The following ZHX2 variants were observed in gnomAD, a reference collection of about 807,000 sequenced individuals.
The protein encoded by ZHX2 is zinc fingers and homeoboxes protein 2.
ZHX2 carries 6 observed loss-of-function variants against 21.9 expected under a neutral mutation model. The ratio of observed to expected loss-of-function variants is 0.27; its 90% CI spans 0.15 to 0.54. ZHX2 has a LOEUF of 0.54. Among genes scored for constraint, ZHX2 ranks in the 20% least tolerant of loss-of-function variants. ZHX2 has a pLI of 0.95. For synonymous variants in ZHX2, 434 were observed against 437.1 expected, an observed-to-expected ratio of 0.99 and a Z score of 0.09; for missense variants, 908 against 1,090.7, an observed-to-expected ratio of 0.83 and a Z score of 2.36.
At chr8:122,881,378 A>G (rs1212338489) in intron 2 of ZHX2, among the ~76,000 whole-genome samples, 1 of 152,152 alleles carries the variant, frequency 6.6e-6, no homozygotes, top group Non-Finnish European at 1.5e-5. Context: ...CCCACCATTT[A>G]CCATCTGTGA....
Position 122,937,933 on chromosome 8 carries a change from G to GTTT in ZHX2, c.-219-13340_-219-13338dup, listed in dbSNP as rs71310636. Among the ~76,000 whole-genome samples, 629 of 73,294 alleles carry GTTT rather than the reference G, an allele frequency of 8.6e-3. 111 individuals carry two copies. Among genetic ancestry groups the GTTT allele is most frequent in the Admixed American group, 0.046 (193 of 4,164 alleles). 48.1% of individuals were successfully genotyped at this position (73,294 alleles called of 152,430 possible). A position where few individuals can be genotyped will look rare whatever the true frequency, so the allele number is the denominator to read the frequency against. ...ATTATGTTTCCTGGTTTTCTTTTTGGTTTTTTTTTTTTTTTTTTTTTGAGA... is the reference window on the plus strand; with the variant it reads ...ATTATGTTTCCTGGTTTTCTTTTTGGTTTTTTTTTTTTTTTTTTTTTTTTGAGA... On this transcript the variant is annotated intron_variant, in intron 2 of 3. Coordinates refer to ENST00000314393, the MANE Select transcript of ZHX2 (RefSeq NM_014943.5).
intron 2 of ZHX2, among the ~76,000 whole-genome samples, chr8:122,943,976 C>G (rs368815657): frequency 6.6e-6 from 1 of 152,218 alleles, no homozygotes; most frequent in South Asian, 2.1e-4. Context: ...CCCTCACACC[C>G]CTGCCCCTTA....
rs1243898307 is a variant in ZHX2 at position 122,782,307 on chromosome 8, A to G, written c.-283+361A>G. Among the ~76,000 whole-genome samples, 1 of 152,118 alleles carries G rather than the reference A, an allele frequency of 6.6e-6. No individual in the cohort carries two copies. The highest frequency in any genetic ancestry group is 1.5e-5 in the Non-Finnish European group (1 of 68,002). On this transcript the variant is annotated intron_variant, in intron 1 of 3. Transcript: ENST00000314393. This position sits in a 1 kb window ranked among gnomAD's most constrained non-coding sequence, Gnocchi z 5.3. ...TCCCTATGTCGACATAAGCCACAAA[A>G]AAATATGGCGTCCGCTTTCGACAGG...
chr8:122,948,849 T>C (rs538809960), intron 2 of ZHX2, among the ~76,000 whole-genome samples: 1 of 152,262 alleles, frequency 6.6e-6, no homozygotes, highest in South Asian at 2.1e-4. Context: ...AAAAATAAGG[T>C]TAAAATATTC....
chr8:122,814,344 C>A (rs1248607191), intron 1 of ZHX2, among the ~76,000 whole-genome samples: 1 of 152,186 alleles, frequency 6.6e-6, no homozygotes, highest in Non-Finnish European at 1.5e-5. Flanking sequence ...ACCCACTGGC[C>A]ACATTTAGGA....
At position 122,893,995 on chromosome 8, in the gene ZHX2, A is replaced by T. The variant is rs971002557; in HGVS notation, c.-220+30456A>T. On this transcript the variant is annotated intron_variant, in intron 2 of 3. Coordinates refer to ENST00000314393, the MANE Select transcript of ZHX2 (RefSeq NM_014943.5). ...AGACTTTTTCCTGTAGATGTGTCCT[A>T]TAGCGTTGGCTGGGTAGGTGCTTTG... 2.0e-5 allele frequency among the ~76,000 whole-genome samples: 3 copies of T among 152,340 alleles called. No individual in the cohort carries two copies. The East Asian group carries it at 5.8e-4, about 29-fold the overall frequency.
intron 1 of ZHX2, among the ~76,000 whole-genome samples, chr8:122,801,445 G>C (rs1434457075): frequency 6.6e-6 from 1 of 152,024 alleles, no homozygotes; most frequent in African/African-American, 2.4e-5. Context: ...CCTTTCAGAA[G>C]ATGAGTCAAG....
At chr8:122,874,659 T>G (rs1460605797) in intron 2 of ZHX2, among the ~76,000 whole-genome samples, 1 of 151,594 alleles carries the variant, frequency 6.6e-6, no homozygotes, top group Non-Finnish European at 1.5e-5. Flanking sequence ...CATCAAGAGG[T>G]ACAGTAAACA....
chr8:122,868,185 C>T lies in ZHX2; in HGVS notation c.-220+4646C>T, dbSNP rs140405384. 2.7e-3 allele frequency among the ~76,000 whole-genome samples: 409 copies of T among 152,208 alleles called. 4 individuals are homozygous for T. The highest frequency in any genetic ancestry group is 9.1e-3 in the African/African-American group (376 of 41,522). ...AGTGTCCACACCTGAATTCCATTGT[C>T]GGGAGATTCAGGACAGGAAGGGTGA... On this transcript the variant is annotated intron_variant, in intron 2 of 3. Coordinates refer to ENST00000314393, the MANE Select transcript of ZHX2 (RefSeq NM_014943.5).
chr8:122,968,731 T>C (rs890669900), intron 3 of ZHX2, among the ~76,000 whole-genome samples: 11 of 151,302 alleles, frequency 7.3e-5, no homozygotes, highest in African/African-American at 1.7e-4. Flanking sequence ...CCCAGCTACT[T>C]GGGAGGCTGA....
intron 2 of ZHX2, among the ~76,000 whole-genome samples, chr8:122,867,493 C>T (rs980245404): frequency 6.6e-6 from 1 of 152,216 alleles, no homozygotes; most frequent in Non-Finnish European, 1.5e-5. Flanking sequence ...GAAACTCTAA[C>T]AGAAGCAGTG....
At chr8:122,968,146 G>A (rs1586432865) in intron 3 of ZHX2, among the ~76,000 whole-genome samples, 2 of 152,146 alleles carry the variant, frequency 1.3e-5, no homozygotes, top group East Asian at 3.9e-4. Flanking sequence ...TGGGGAATCT[G>A]CCCAGTGAGT....
At chr8:122,853,916 C>T (rs1468069440) in intron 1 of ZHX2, among the ~76,000 whole-genome samples, 1 of 152,268 alleles carries the variant, frequency 6.6e-6, no homozygotes, top group South Asian at 2.1e-4. Context: ...TCTGATGACT[C>T]TTTTTTTAAC....
chr8:122,818,827 A>G (rs574814646), intron 1 of ZHX2, among the ~76,000 whole-genome samples: 1 of 152,320 alleles, frequency 6.6e-6, no homozygotes, highest in South Asian at 2.1e-4. Context: ...TATTTGTCAC[A>G]GGCAAACCAG....
intron 1 of ZHX2, among the ~76,000 whole-genome samples, chr8:122,835,475 C>A (rs529194852): frequency 6.6e-6 from 1 of 152,044 alleles, no homozygotes; most frequent in Non-Finnish European, 1.5e-5. Flanking sequence ...TGGGTACAGG[C>A]AATACTAGAA....
intron 2 of ZHX2, among the ~76,000 whole-genome samples, chr8:122,877,715 G>C (rs1381387508): frequency 6.6e-6 from 1 of 152,152 alleles, no homozygotes; most frequent in Admixed American, 6.5e-5. Context: ...TGACTTGAAG[G>C]CTGATGCATT....
chr8:122,912,868 C>A (rs2130021690), intron 2 of ZHX2, among the ~76,000 whole-genome samples: 1 of 152,046 alleles, frequency 6.6e-6, no homozygotes, highest in South Asian at 2.1e-4. Flanking sequence ...AAAAGAAAAA[C>A]AGCTTTATTG....
At chr8:122,792,219 T>A (rs1166650829) in intron 1 of ZHX2, among the ~76,000 whole-genome samples, 3 of 152,222 alleles carry the variant, frequency 2.0e-5, no homozygotes, top group Non-Finnish European at 4.4e-5. Context: ...TTTCTGCACA[T>A]TTTATATAGG....
At chr8:122,811,627 C>T (rs551247476) in intron 1 of ZHX2, among the ~76,000 whole-genome samples, 2 of 152,246 alleles carry the variant, frequency 1.3e-5, no homozygotes, top group South Asian at 4.1e-4. Flanking sequence ...GTGATGTTTG[C>T]AGGAGAGTAA....
Sources: gnomAD v4.1 joint callset for allele counts (sites outside exome capture counted in the v4.1 genomes callset) on GRCh38, gnomAD v4.1.1 for gene constraint, Gnocchi (gnomAD v3.1) non-coding constraint, MANE v1.5 for transcripts, NCBI Gene and HGNC (gene_info 2026-07-23, HGNC 2026-07-21) for gene names.